The following SUGCT variants were observed in gnomAD, a reference collection of about 807,000 sequenced individuals.
SUGCT encodes succinyl-CoA:glutarate-CoA transferase.
In SUGCT, 41 loss-of-function variants were observed where a neutral mutation model predicts 55.0. The observed-to-expected ratio is 0.74, with a 90% CI of 0.58 to 0.97. SUGCT has a LOEUF of 0.97. Ranked by LOEUF, SUGCT falls within the 50% of genes least tolerant of loss-of-function variation. The probability of loss-of-function intolerance (pLI) is 0.00; values close to 1 mark genes in which losing one functional copy is unlikely to be tolerated. For missense variants in SUGCT, 568 were observed against 547.8 expected, an observed-to-expected ratio of 1.04 and a Z score of -0.37; for synonymous variants, 187 against 200.4, an observed-to-expected ratio of 0.93 and a Z score of 0.56.
intron 12 of SUGCT, chr7:40,684,151 C>T (rs1193962281): frequency 6.3e-7 from 1 of 1,576,058 alleles, no homozygotes; most frequent in East Asian, 2.3e-5. Flanking sequence ...GAGCCCTTCT[C>T]TTACTACATC....
chr7:40,690,683 C>A (rs1380639405), intron 12 of SUGCT, among the ~76,000 whole-genome samples: 2 of 152,072 alleles, frequency 1.3e-5, no homozygotes, highest in Admixed American at 1.3e-4. Flanking sequence ...ATCTTCCCAC[C>A]TCAGCCTCCC....
At chr7:40,289,959 G>A (rs1030715572) in intron 8 of SUGCT, among the ~76,000 whole-genome samples, 1 of 152,152 alleles carries the variant, frequency 6.6e-6, no homozygotes, top group African/African-American at 2.4e-5. Flanking sequence ...GGATGCGAAA[G>A]ACCTCTTCAA....
At chr7:40,766,648 C>T (rs944756598) in intron 13 of SUGCT, among the ~76,000 whole-genome samples, 2 of 152,106 alleles carry the variant, frequency 1.3e-5, no homozygotes, top group African/African-American at 2.4e-5. Context: ...CTGCCATATT[C>T]TCTTAGGGTA....
At chr7:40,631,555 G>A (rs1485159005) in intron 12 of SUGCT, among the ~76,000 whole-genome samples, 2 of 152,210 alleles carry the variant, frequency 1.3e-5, no homozygotes, top group East Asian at 3.9e-4. Flanking sequence ...CCTGGATTGG[G>A]TCTGGATAAC....
chr7:40,948,962 A>G, the SUGCT span, among the ~76,000 whole-genome samples: 1 of 152,192 alleles, frequency 6.6e-6, no homozygotes, highest in African/African-American at 2.4e-5. Context: ...TCCTTTGGGT[A>G]TATACCCAGT....
At chr7:40,218,814 G>C (rs566619565) in intron 6 of SUGCT, among the ~76,000 whole-genome samples, 21 of 152,250 alleles carry the variant, frequency 1.4e-4, no homozygotes, top group Admixed American at 5.2e-4. Context: ...TGTAAAAATG[G>C]ACCAGTCAGC....
chr7:40,639,350 A>G (rs1295571757), intron 12 of SUGCT, among the ~76,000 whole-genome samples: 2 of 152,204 alleles, frequency 1.3e-5, no homozygotes, highest in Non-Finnish European at 2.9e-5. Context: ...CACAGAAGAA[A>G]TGCCACAATA....
At chr7:40,846,579 TAA>T (rs1308744816) in intron 13 of SUGCT, among the ~76,000 whole-genome samples, 1 of 152,224 alleles carries the variant, frequency 6.6e-6, no homozygotes, top group Non-Finnish European at 1.5e-5. Context: ...ACAAGATAGA[TAA>T]ATCAAATACA....
At chr7:40,268,640 T>C (rs1420144926) in intron 7 of SUGCT, among the ~76,000 whole-genome samples, 17 of 150,732 alleles carry the variant, frequency 1.1e-4, no homozygotes, top group Non-Finnish European at 1.9e-4. Context: ...ATGCTTTCAT[T>C]TTCTTGTTTT....
intron 12 of SUGCT, among the ~76,000 whole-genome samples, chr7:40,565,997 A>ACGCACG (rs1173066522): frequency 4.5e-4 from 30 of 66,812 alleles, no homozygotes; most frequent in African/African-American, 9.7e-4. Context: ...ACACACGCAC[A>ACGCACG]CACACACACA....
intron 9 of SUGCT, among the ~76,000 whole-genome samples, chr7:40,341,115 T>C (rs575491855): frequency 1.3e-5 from 2 of 152,360 alleles, no homozygotes; most frequent in South Asian, 4.1e-4. Flanking sequence ...AGTGAATTCT[T>C]GTTTACATTC....
At chr7:40,219,475 A>G (rs922922607) in intron 6 of SUGCT, among the ~76,000 whole-genome samples, 1 of 152,260 alleles carries the variant, frequency 6.6e-6, no homozygotes, top group African/African-American at 2.4e-5. Context: ...TTTATTAAAC[A>G]ATAGAAGCCT....
chr7:40,778,960 G>A (rs1789593879), intron 13 of SUGCT, among the ~76,000 whole-genome samples: 1 of 152,156 alleles, frequency 6.6e-6, no homozygotes, highest in African/African-American at 2.4e-5. Flanking sequence ...TGTTAGCATG[G>A]ACATTGACCA....
rs569636026 is a variant in SUGCT, at chr7:40,763,933, C to T, written c.1153+14436C>T. 1.1e-4 allele frequency among the ~76,000 whole-genome samples: 16 copies of T among 152,196 alleles called. No homozygotes were observed. The South Asian group carries it at 1.9e-3, about 18-fold the overall frequency. On this transcript the variant is annotated intron_variant, in intron 13 of 13. Coordinates refer to ENST00000335693, the MANE Select transcript of SUGCT (RefSeq NM_001193313.2). ...CAATTAGAAAGGAGAAATTCTTCTTCGGCTTGCGTGTTTATATGAAAATGC... is the reference window on the plus strand; with the variant it reads ...CAATTAGAAAGGAGAAATTCTTCTTTGGCTTGCGTGTTTATATGAAAATGC...
chr7:40,234,677 G>A (rs1024438072), intron 6 of SUGCT, among the ~76,000 whole-genome samples: 3 of 152,076 alleles, frequency 2.0e-5, no homozygotes, highest in African/African-American at 7.2e-5. Flanking sequence ...GGGAGACTGA[G>A]GCTGGTGGAT....
At chr7:40,228,445 T>C (rs1174594390) in intron 6 of SUGCT, among the ~76,000 whole-genome samples, 1 of 152,170 alleles carries the variant, frequency 6.6e-6, no homozygotes, top group African/African-American at 2.4e-5. Context: ...TCCTGTGATG[T>C]TAATTTTTTT....
intron 13 of SUGCT, among the ~76,000 whole-genome samples, chr7:40,853,429 A>G (rs1341779308): frequency 8.6e-5 from 13 of 152,034 alleles, no homozygotes; most frequent in Admixed American, 7.2e-4. Context: ...CAGTGGCGCA[A>G]TCTTGGCTCA....
chr7:40,169,320 G>A (rs1461873092), intron 1 of SUGCT, among the ~76,000 whole-genome samples: 2 of 152,104 alleles, frequency 1.3e-5, no homozygotes, highest in African/African-American at 4.8e-5. Flanking sequence ...GGACCCCTAG[G>A]ATAGTGACAG....
Position 40,238,536 on chromosome 7 carries a change from T to A in SUGCT, c.576+810T>A, listed in dbSNP as rs551531378. On this transcript the variant is annotated intron_variant, in intron 7 of 13. Transcript: ENST00000335693. ...AACTTGTTTCAGTGGGTGTTCATTC[T>A]CCAAATCACTTCTTCTAGTTAATTC... 2.0e-5 allele frequency among the ~76,000 whole-genome samples: 3 copies of A among 152,302 alleles called. No individual in the cohort carries two copies. In the East Asian group the frequency reaches 5.8e-4, roughly 29 times the overall value.
Sources: gnomAD v4.1 joint callset for allele counts (sites outside exome capture counted in the v4.1 genomes callset) on GRCh38, gnomAD v4.1.1 for gene constraint, MANE v1.5 for transcripts, NCBI Gene and HGNC (gene_info 2026-07-23, HGNC 2026-07-21) for gene names.